The following CHRD variants were observed in gnomAD, a reference collection of about 807,000 sequenced individuals.
CHRD encodes chordin.
Under a neutral mutation model 113.7 loss-of-function variants are expected in CHRD, and 69 were observed. The ratio of observed to expected loss-of-function variants is 0.61; its 90% CI spans 0.50 to 0.74. CHRD has a LOEUF of 0.74. Among genes scored for constraint, CHRD ranks in the 30% least tolerant of loss-of-function variants. The pLI, the probability that CHRD is intolerant of heterozygous loss-of-function variation, is 0.00. For missense variants in CHRD, 1,194 were observed against 1,295.8 expected (o/e 0.92, Z 1.21); for synonymous variants, 561 against 540.8 (o/e 1.04, Z -0.52).
rs373910177 is a variant in CHRD, at chr3:184,382,028, G to T, written c.699+8G>T. On this transcript the variant is annotated splice_region_variant and intron_variant, in intron 6 of 22. Transcript: ENST00000204604. ...CCCACCCAAGATGGCCTGGTGAGAT[G>T]ATGCCATTTATGAGCACTTGCCCAG... 3.7e-6 allele frequency: 6 copies of T among 1,613,564 alleles called. No individual in the cohort carries two copies. The highest frequency in any genetic ancestry group is 5.1e-6 in the Non-Finnish European group (6 of 1,179,966).
rs368160731 is a variant in CHRD at position 184,384,150 on chromosome 3, C to A, written c.1441-387C>A. Among the ~76,000 whole-genome samples the A allele has an allele frequency of 6.6e-5, 10 of 152,286 alleles. 3 individuals are homozygous for A. On this transcript the variant is annotated intron_variant, in intron 12 of 22. Coordinates refer to ENST00000204604, the Ensembl canonical transcript of CHRD. The surrounding 1 kb of genome is among the most constrained non-coding windows in gnomAD (Gnocchi z 4.4). Reference sequence around the variant, plus strand: ...AATCATATGTGGCCCCTGTGCTTAGCAAGCTCACAGTCAAATGGGAGCATT... The same window carrying A: ...AATCATATGTGGCCCCTGTGCTTAGAAAGCTCACAGTCAAATGGGAGCATT...
exon 16 of CHRD, chr3:184,386,498 A>C: frequency 6.5e-7 from 1 of 1,538,688 alleles, no homozygotes; most frequent in African/African-American, 1.4e-5. Context: ...CCAGGTGCAC[A>C]TAGCCAACCA....
rs1337326803 is a variant in CHRD, at chr3:184,380,397, G to A, written c.79G>A (p.Ala27Thr). The stretch of plus-strand genomic sequence containing the variant: ...GCTCGGCTCCCGGCCGGCCCGCGGC[G>A]CCGGCCCAGAGCCCCCCGTGCTGCC... The change falls in exon 1 of 23, where the codon GCC (alanine) becomes ACC (threonine). Residue 27 changes from alanine to threonine, a missense_variant. Transcript: ENST00000204604. This position sits in a 1 kb window ranked among gnomAD's most constrained non-coding sequence, Gnocchi z 6.3. The A allele has an allele frequency of 1.5e-6, 2 of 1,339,956 alleles. No homozygotes were observed. The allele number at this position is 1,339,956 out of a possible 1,614,324, so 83.0% of individuals were successfully genotyped here. A position where few individuals can be genotyped will look rare whatever the true frequency, so the allele number is the denominator to read the frequency against.
At chr3:184,386,814 C>T (rs1716384899) in intron 16 of CHRD, 31 bp from the exon 17 acceptor site, 1 of 1,614,008 alleles carries the variant, frequency 6.2e-7, no homozygotes, top group Non-Finnish European at 8.5e-7. Flanking sequence ...GGCCTGGACA[C>T]TCCCGTCAAT....
chr3:184,386,559 G>T (rs754915047), exon 16 of CHRD: 1 of 1,545,396 alleles, frequency 6.5e-7, no homozygotes, highest in South Asian at 1.2e-5. Flanking sequence ...GAGGGGGTGC[G>T]GGCGCTGGGG....
chr3:184,386,557 G>T (rs574422249), exon 16 of CHRD: 1 of 1,546,312 alleles, frequency 6.5e-7, no homozygotes, highest in South Asian at 1.2e-5. Flanking sequence ...CCGAGGGGGT[G>T]CGGGCGCTGG....
chr3:184,386,115 A>C (rs16858780), exon 15 of CHRD: 317,588 of 1,613,958 alleles, frequency 0.2, 34,588 homozygotes, highest in Admixed American at 0.4. Flanking sequence ...GGCCTCCCTG[A>C]TGATCACCAC....
chr3:184,389,899 A>G (rs1210517842), downstream of CHRD: 2 of 158,288 alleles, frequency 1.3e-5, no homozygotes, highest in Non-Finnish European at 2.8e-5. Flanking sequence ...GGCAGAGAGT[A>G]GGAGGTGAGA....
At chr3:184,386,555 G>A (rs1337027571) in exon 16 of CHRD, 2 of 1,546,392 alleles carry the variant, frequency 1.3e-6, no homozygotes, top group Non-Finnish European at 1.7e-6. Context: ...GGCCGAGGGG[G>A]TGCGGGCGCT....
Position 184,384,909 on chromosome 3 carries a change from C to T in CHRD, c.1598-109C>T. 6.2e-6 allele frequency: 8 copies of T among 1,288,848 alleles called. No individual in the cohort carries two copies. Among genetic ancestry groups the T allele is most frequent in the Non-Finnish European group, 8.8e-6 (8 of 912,086 alleles). The allele number at this position is 1,288,848 out of a possible 1,614,324, so 79.8% of individuals were successfully genotyped here. ...GCTCTCCAGGCCCTGGACCTATGGACAGTGTCTTCCAGCTCGTGGAATGTG... is the reference window on the plus strand; with the variant it reads ...GCTCTCCAGGCCCTGGACCTATGGATAGTGTCTTCCAGCTCGTGGAATGTG... On this transcript the variant is annotated intron_variant, in intron 13 of 22. Coordinates refer to ENST00000204604, the Ensembl canonical transcript of CHRD. This position sits in a 1 kb window ranked among gnomAD's most constrained non-coding sequence, Gnocchi z 4.4.
rs1259593734 is a variant in CHRD at position 184,387,200 on chromosome 3, G to T, written c.2347+93G>T. On this transcript the variant is annotated intron_variant, in intron 18 of 22. Coordinates refer to ENST00000204604, the Ensembl canonical transcript of CHRD. The surrounding 1 kb of genome is among the most constrained non-coding windows in gnomAD (Gnocchi z 6.1). ...ACAAGAAGGGGAGAGTATATAGGGG[G>T]TGGCCTGAGGGGCACAGATTCCAAG... 3.7e-6 allele frequency: 5 copies of T among 1,350,262 alleles called. No individual in the cohort carries two copies. The East Asian group carries it at 1.2e-4, about 31-fold the overall frequency. 83.6% of individuals were successfully genotyped at this position (1,350,262 alleles called of 1,614,324 possible). A position where few individuals can be genotyped will look rare whatever the true frequency, so the allele number is the denominator to read the frequency against.
In CHRD at chr3:184,386,103, A is replaced by T. The variant is rs200407417; in HGVS notation, c.1876A>T (p.Met626Leu). 19 of 1,614,234 alleles carry T rather than the reference A, an allele frequency of 1.2e-5. No homozygotes were observed. The highest frequency in any genetic ancestry group is 1.6e-4 in the Middle Eastern group (1 of 6,062). ...ACTGCTGCGGCACCTGGCAAAAGGCATGGCCTCCCTGATGATCACCACCAA... is the reference window on the plus strand; with the variant it reads ...ACTGCTGCGGCACCTGGCAAAAGGCTTGGCCTCCCTGATGATCACCACCAA... Residue 626 changes from methionine to leucine, a missense_variant, in exon 15 of 23, where the codon ATG becomes TTG. Physicochemically the swap from Met to Leu is conservative, Grantham distance 15. Coordinates refer to ENST00000204604, the Ensembl canonical transcript of CHRD.
Position 184,381,377 on chromosome 3 carries a change from C to G in CHRD, c.382+13C>G, listed in dbSNP as rs376941518. On this transcript the variant is annotated intron_variant, in intron 3 of 22. Transcript: ENST00000204604. This position sits in a 1 kb window ranked among gnomAD's most constrained non-coding sequence, Gnocchi z 4.7. ...ACCTGCCCCCAGGGTAAGTCTTGCT[C>G]CGCCCTGCGGGGAGGGAGGCAGGGC... 33 of 1,586,836 alleles carry G rather than the reference C, an allele frequency of 2.1e-5. 1 individual carries two copies. The African/African-American group carries it at 3.9e-4, about 19-fold the overall frequency.
At chr3:184,386,408 G>A (rs1208207592) in intron 15 of CHRD, 84 bp from the exon 16 acceptor site, 7 of 1,505,598 alleles carry the variant, frequency 4.6e-6, no homozygotes, top group Admixed American at 5.1e-5. Context: ...GGGGGCCGAG[G>A]TGTCTCCTGC....
At position 184,383,082 on chromosome 3, in the gene CHRD, G is replaced by T; in HGVS notation, c.1132G>T (p.Glu378Ter). ...GGAGATGGACTGGCTGGTGCTGGGG[G>T]AGCTGCAGATGGCCCTGGAGTGGGC... The change falls in exon 10 of 23, where the codon GAG becomes TAG. Residue 378 changes from glutamate to a stop codon, truncating the protein, a stop_gained. Coordinates refer to ENST00000204604, the Ensembl canonical transcript of CHRD. LOFTEE classifies it high-confidence loss of function. The T allele has an allele frequency of 6.2e-7, 1 of 1,611,466 alleles. No homozygotes were observed. Among genetic ancestry groups the T allele is most frequent in the Non-Finnish European group, 8.5e-7 (1 of 1,179,092 alleles).
chr3:184,380,497 G>A lies in CHRD; in HGVS notation c.148+31G>A, dbSNP rs1014404275. 2 of 1,158,666 alleles carry A rather than the reference G, an allele frequency of 1.7e-6. No homozygotes were observed. Among genetic ancestry groups the A allele is most frequent in the Non-Finnish European group, 1.1e-6 (1 of 937,562 alleles). 71.8% of individuals were successfully genotyped at this position (1,158,666 alleles called of 1,614,324 possible). A position where few individuals can be genotyped will look rare whatever the true frequency, so the allele number is the denominator to read the frequency against. ...TGGGCGCCCGGGGGAGGCGCGGGCGGGGAGTCGGGCTCGGGGCGAGTCAGC... is the reference window on the plus strand; with the variant it reads ...TGGGCGCCCGGGGGAGGCGCGGGCGAGGAGTCGGGCTCGGGGCGAGTCAGC... On this transcript the variant is annotated intron_variant, in intron 1 of 22. Coordinates refer to ENST00000204604, the Ensembl canonical transcript of CHRD. The surrounding 1 kb of genome is among the most constrained non-coding windows in gnomAD (Gnocchi z 6.3).
chr3:184,381,745 T>A lies in CHRD; in HGVS notation c.541T>A (p.Ser181Thr). ...CGTGGCGCTGCTGACAGGGCCGAGG[T>A]CGCAGGCGGTGGCACGAGCCCGAGT... Residue 181 changes from serine to threonine, a missense_variant, in exon 5 of 23, where the codon TCG becomes ACG. Physicochemically the swap from Ser to Thr is moderately conservative, Grantham distance 58. Coordinates refer to ENST00000204604, the Ensembl canonical transcript of CHRD. This position sits in a 1 kb window ranked among gnomAD's most constrained non-coding sequence, Gnocchi z 4.7. 6.2e-7 allele frequency: 1 copy of A among 1,612,972 alleles called. No individual in the cohort carries two copies. The highest frequency in any genetic ancestry group is 1.7e-5 in the Admixed American group (1 of 59,978).
In CHRD at chr3:184,381,437, G is replaced by C; in HGVS notation, c.383-59G>C. The C allele has an allele frequency of 6.3e-7, 1 of 1,597,344 alleles. No individual in the cohort carries two copies. Among genetic ancestry groups the C allele is most frequent in the Non-Finnish European group, 8.5e-7 (1 of 1,172,054 alleles). On this transcript the variant is annotated intron_variant, in intron 3 of 22. Transcript: ENST00000204604. The surrounding 1 kb of genome is among the most constrained non-coding windows in gnomAD (Gnocchi z 4.7). ...AGGTCCCGGGCCACTTGGATGGGGC[G>C]TCGGACTGGCCTTTCCCATGGCCAG...
At chr3:184,389,144 G>A (rs1716833196) in intron 22 of CHRD, 149 bp downstream of exon 22, 1 of 675,342 alleles carries the variant, frequency 1.5e-6, no homozygotes, top group Non-Finnish European at 2.6e-6. Context: ...ACAGCAACCT[G>A]GTGGAATTGT....
Sources: gnomAD v4.1 joint callset for allele counts (sites outside exome capture counted in the v4.1 genomes callset) on GRCh38, gnomAD v4.1.1 for gene constraint, Gnocchi (gnomAD v3.1) non-coding constraint, MANE v1.5 for transcripts, NCBI Gene and HGNC (gene_info 2026-07-23, HGNC 2026-07-21) for gene names.